The following MARCHF1 variants were observed in gnomAD, a reference collection of about 807,000 sequenced individuals.
MARCHF1 encodes the protein membrane associated ring-CH-type finger 1.
In MARCHF1, 40 loss-of-function variants were observed where a neutral mutation model predicts 54.2. The ratio of observed to expected loss-of-function variants is 0.74; its 90% CI spans 0.57 to 0.96. The LOEUF (loss-of-function observed/expected upper bound fraction) is 0.96. Ranked by LOEUF, MARCHF1 falls within the 40% of genes least tolerant of loss-of-function variation. The probability of loss-of-function intolerance (pLI) is 0.00; values close to 1 mark genes in which losing one functional copy is unlikely to be tolerated. For synonymous variants in MARCHF1, 236 were observed against 236.3 expected (o/e 1.00, Z 0.01); for missense variants, 586 against 656.5 (o/e 0.89, Z 1.17).
intron 1 of MARCHF1, among the ~76,000 whole-genome samples, chr4:164,270,031 T>C (rs1249722835): frequency 6.6e-6 from 1 of 152,152 alleles, no homozygotes; most frequent in East Asian, 1.9e-4. Flanking sequence ...AAACATCCCA[T>C]GGTTTCTCAT....
At chr4:163,538,034 C>T (rs984595547) in intron 9 of MARCHF1, among the ~76,000 whole-genome samples, 4 of 152,120 alleles carry the variant, frequency 2.6e-5, no homozygotes, top group Non-Finnish European at 5.9e-5. Flanking sequence ...TTGAAAAGTT[C>T]ACAAATTAGA....
At chr4:164,248,942 A>T (rs1175013198) in intron 1 of MARCHF1, among the ~76,000 whole-genome samples, 1 of 152,088 alleles carries the variant, frequency 6.6e-6, no homozygotes, top group Non-Finnish European at 1.5e-5. Flanking sequence ...TTCATAATTC[A>T]TTGGAATATG....
intron 1 of MARCHF1, among the ~76,000 whole-genome samples, chr4:164,347,505 C>G (rs1163208120): frequency 2.0e-5 from 3 of 152,130 alleles, no homozygotes; most frequent in African/African-American, 7.2e-5. Flanking sequence ...TTTGACTGTT[C>G]TTACCTATTT....
intron 1 of MARCHF1, among the ~76,000 whole-genome samples, chr4:164,281,567 CAT>C (rs1328808932): frequency 6.6e-6 from 1 of 152,102 alleles, no homozygotes; most frequent in Non-Finnish European, 1.5e-5. Flanking sequence ...AGGAGAAAAA[CAT>C]GTGTACAGAC....
chr4:164,327,579 A>G (rs1292437432), intron 1 of MARCHF1, among the ~76,000 whole-genome samples: 1 of 152,166 alleles, frequency 6.6e-6, no homozygotes, highest in Non-Finnish European at 1.5e-5. Context: ...TAAGGGAATG[A>G]CATGCTCAGT....
chr4:163,777,933 A>G (rs1243042659), intron 4 of MARCHF1, among the ~76,000 whole-genome samples: 1 of 152,166 alleles, frequency 6.6e-6, no homozygotes, highest in Non-Finnish European at 1.5e-5. Flanking sequence ...TCCCCTGCCT[A>G]CACCGCCAAA....
chr4:164,186,732 C>G (rs1452666202), intron 1 of MARCHF1, among the ~76,000 whole-genome samples: 5 of 152,130 alleles, frequency 3.3e-5, no homozygotes, highest in African/African-American at 1.2e-4. Context: ...AGCTAAAGAC[C>G]TCTGAAGAGT....
Position 163,927,901 on chromosome 4 carries a change from T to G in MARCHF1, c.-39+60600A>C, listed in dbSNP as rs76802842. Among the ~76,000 whole-genome samples, 324 of 151,986 alleles carry G rather than the reference T, an allele frequency of 2.1e-3. 7 individuals are homozygous for G. In the East Asian group the frequency reaches 0.043, roughly 20 times the overall value. ...AGCAAGGGGATCTTTGTATAAAGAT[T>G]TAAAATTTTTTCTCTCTTCCAAATG... On this transcript the variant is annotated intron_variant, in intron 3 of 9. Transcript: ENST00000514618.
At chr4:164,356,713 T>C in intron 1 of MARCHF1, among the ~76,000 whole-genome samples, 1 of 120,686 alleles carries the variant, frequency 8.3e-6, no homozygotes, top group Non-Finnish European at 1.7e-5. Flanking sequence ...TGTATACATA[T>C]GTAACTAACC....
At chr4:163,540,420 C>T (rs1277004541) in intron 9 of MARCHF1, among the ~76,000 whole-genome samples, 3 of 151,982 alleles carry the variant, frequency 2.0e-5, no homozygotes, top group Admixed American at 6.6e-5. Context: ...CAGAGGGGAG[C>T]GGGTTTTCTT....
intron 4 of MARCHF1, among the ~76,000 whole-genome samples, chr4:163,714,989 TG>T (rs1745216058): frequency 1.3e-5 from 2 of 152,182 alleles, no homozygotes; most frequent in Admixed American, 6.5e-5. Context: ...GCCTATACAC[TG>T]TTTTATTCAC....
At chr4:164,309,256 G>C (rs756103164) in intron 1 of MARCHF1, among the ~76,000 whole-genome samples, 2 of 99,818 alleles carry the variant, frequency 2.0e-5, no homozygotes, top group African/African-American at 5.0e-5. Flanking sequence ...TTTCTAACCT[G>C]TGTGTGTGTG....
intron 1 of MARCHF1, among the ~76,000 whole-genome samples, chr4:164,166,906 A>T (rs5863668): frequency 2.4e-4 from 37 of 151,182 alleles, no homozygotes; most frequent in Admixed American, 4.6e-4. Flanking sequence ...AAATAAAAAA[A>T]CAATGAATAA....
At chr4:163,987,469 C>A (rs1335046441) in intron 3 of MARCHF1, among the ~76,000 whole-genome samples, 1 of 152,154 alleles carries the variant, frequency 6.6e-6, no homozygotes, top group African/African-American at 2.4e-5. Context: ...TTAGTCTTTT[C>A]CTTTCAAACA....
intron 5 of MARCHF1, among the ~76,000 whole-genome samples, chr4:163,633,906 C>T (rs1379233866): frequency 6.6e-6 from 1 of 152,144 alleles, no homozygotes; most frequent in African/African-American, 2.4e-5. Flanking sequence ...TCATGGCAGA[C>T]ACCCTACAAG....
intron 1 of MARCHF1, chr4:164,383,495 C>A (rs573437718): frequency 6.6e-6 from 1 of 152,354 alleles, no homozygotes; most frequent in Non-Finnish European, 1.5e-5. Flanking sequence ...GGTGCGGCTC[C>A]GTGACTAGTA....
intron 5 of MARCHF1, among the ~76,000 whole-genome samples, chr4:163,660,844 CA>C (rs150186138): frequency 0.011 from 1,641 of 152,036 alleles, 30 homozygotes; most frequent in African/African-American, 0.035. Context: ...AAAAAATTCC[CA>C]TTTTTCTCTG....
At chr4:163,931,434 T>A (rs1473388193) in intron 3 of MARCHF1, among the ~76,000 whole-genome samples, 7 of 152,092 alleles carry the variant, frequency 4.6e-5, no homozygotes. Context: ...GGTAGAGCCC[T>A]GATGAATGGG....
In MARCHF1 at chr4:164,082,877, C is replaced by T. The variant is rs145315119; in HGVS notation, c.-248+28711G>A. ...AATCACTGCTACAAATCAGCACCAG[C>T]CATGTGGAATATTGAAATTTGAATC... On this transcript the variant is annotated intron_variant, in intron 2 of 9. Transcript: ENST00000514618. Among the ~76,000 whole-genome samples, 285 of 152,238 alleles carry T rather than the reference C, an allele frequency of 1.9e-3. 3 individuals are homozygous for T. Among genetic ancestry groups the T allele is most frequent in the African/African-American group, 6.3e-3 (260 of 41,546 alleles).
Sources: gnomAD v4.1 joint callset for allele counts (sites outside exome capture counted in the v4.1 genomes callset) on GRCh38, gnomAD v4.1.1 for gene constraint, MANE v1.5 for transcripts, NCBI Gene and HGNC (gene_info 2026-07-23, HGNC 2026-07-21) for gene names.